The following PTPRD variants were observed in gnomAD, a reference collection of about 807,000 sequenced individuals.
PTPRD encodes the protein protein tyrosine phosphatase receptor type D.
Under a neutral mutation model 214.5 loss-of-function variants are expected in PTPRD, and 34 were observed. The ratio of observed to expected loss-of-function variants is 0.16; its 90% CI spans 0.12 to 0.21. PTPRD has a LOEUF of 0.21. Ranked by LOEUF, PTPRD falls within the 10% of genes least tolerant of loss-of-function variation. The pLI is 1.00. For synonymous variants in PTPRD, 1,128 were observed against 845.7 expected, an observed-to-expected ratio of 1.33 and a Z score of -5.79; for missense variants, 2,545 against 2,398.7, an observed-to-expected ratio of 1.06 and a Z score of -1.27.
chr9:10,271,687 C>T lies in PTPRD; in HGVS notation c.-545+69276G>A, dbSNP rs533344584. ...CCTCCTGAGTAGCTGGCATTATCGGCGTCTGCCACCACACCCGGCTAATTT... is the reference window on the plus strand; with the variant it reads ...CCTCCTGAGTAGCTGGCATTATCGGTGTCTGCCACCACACCCGGCTAATTT... On this transcript the variant is annotated intron_variant, in intron 3 of 45. Coordinates refer to ENST00000381196, the MANE Select transcript of PTPRD (RefSeq NM_002839.4). Among the ~76,000 whole-genome samples the T allele has an allele frequency of 8.6e-5, 13 of 151,828 alleles. No individual in the cohort carries two copies. In the South Asian group the frequency reaches 2.1e-3, roughly 24 times the overall value.
chr9:9,960,984 T>A (rs1211615361), intron 4 of PTPRD, among the ~76,000 whole-genome samples: 1 of 151,764 alleles, frequency 6.6e-6, no homozygotes, highest in African/African-American at 2.4e-5. Flanking sequence ...AACAACCCCA[T>A]CAACAAGTGG....
At chr9:10,148,674 G>A (rs138788513) in intron 3 of PTPRD, among the ~76,000 whole-genome samples, 1 of 152,114 alleles carries the variant, frequency 6.6e-6, no homozygotes, top group African/African-American at 2.4e-5. Context: ...CATTGGACAA[G>A]TCAATCTCAA....
chr9:8,453,325 G>A lies in PTPRD; in HGVS notation c.3876-3488C>T, dbSNP rs542653368. On this transcript the variant is annotated intron_variant, in intron 33 of 45. Coordinates refer to ENST00000381196, the MANE Select transcript of PTPRD (RefSeq NM_002839.4). ...ATTACAGGCGCCCGCCACCATGCCTGGCTAATTTTTTGTATTTTTTAGTAG... is the reference window on the plus strand; with the variant it reads ...ATTACAGGCGCCCGCCACCATGCCTAGCTAATTTTTTGTATTTTTTAGTAG... 2.0e-5 allele frequency among the ~76,000 whole-genome samples: 3 copies of A among 152,062 alleles called. No individual in the cohort carries two copies. In the South Asian group the frequency reaches 6.2e-4, roughly 32 times the overall value.
intron 2 of PTPRD, among the ~76,000 whole-genome samples, chr9:10,363,880 G>A (rs1033394919): frequency 1.3e-5 from 2 of 150,908 alleles, no homozygotes; most frequent in African/African-American, 2.4e-5. Flanking sequence ...ATACTGTTAC[G>A]ATATTTAATT....
At chr9:8,483,042 C>G (rs1167185061) in intron 30 of PTPRD, among the ~76,000 whole-genome samples, 1 of 152,168 alleles carries the variant, frequency 6.6e-6, no homozygotes, top group African/African-American at 2.4e-5. Flanking sequence ...GTCAGGAATC[C>G]ATCTTTTTTT....
intron 4 of PTPRD, among the ~76,000 whole-genome samples, chr9:9,940,191 G>C (rs2153965954): frequency 6.6e-6 from 1 of 152,222 alleles, no homozygotes; most frequent in African/African-American, 2.4e-5. Context: ...ATATATAGTG[G>C]GCCTCTTGGA....
chr9:8,436,828 GCAA>G, intron 34 of PTPRD, 139 bp from the exon 35 acceptor site: 1 of 677,788 alleles, frequency 1.5e-6, no homozygotes, highest in Non-Finnish European at 2.5e-6. Flanking sequence ...GAGGAAGCAG[GCAA>G]ATAGTTTGGT....
At chr9:9,089,531 C>G (rs544427027) in intron 10 of PTPRD, among the ~76,000 whole-genome samples, 2 of 152,308 alleles carry the variant, frequency 1.3e-5, no homozygotes, top group East Asian at 1.9e-4. Flanking sequence ...TTCTTTATGA[C>G]TCTACTAACT....
chr9:9,489,292 G>A (rs1472308794), intron 8 of PTPRD, among the ~76,000 whole-genome samples: 9 of 152,096 alleles, frequency 5.9e-5, no homozygotes, highest in Admixed American at 5.2e-4. Flanking sequence ...AATAGCAGAC[G>A]CTGTGGAAAA....
At chr9:8,375,410 A>G (rs1302163409) in intron 39 of PTPRD, among the ~76,000 whole-genome samples, 1 of 152,052 alleles carries the variant, frequency 6.6e-6, no homozygotes, top group Non-Finnish European at 1.5e-5. Flanking sequence ...TATTCTATTA[A>G]ATACATTTTT....
intron 11 of PTPRD, among the ~76,000 whole-genome samples, chr9:8,910,299 A>G (rs1318096259): frequency 1.3e-5 from 2 of 152,040 alleles, no homozygotes; most frequent in African/African-American, 4.8e-5. Flanking sequence ...AGCCTCCCAA[A>G]GTGCTGGGAT....
chr9:9,576,462 T>A (rs2088844222), intron 7 of PTPRD, among the ~76,000 whole-genome samples: 1 of 151,522 alleles, frequency 6.6e-6, no homozygotes, highest in Admixed American at 6.6e-5. Context: ...AGGATAGAGA[T>A]GATTTCAGGA....
chr9:9,455,916 T>C (rs1381648079), intron 8 of PTPRD, among the ~76,000 whole-genome samples: 3 of 151,794 alleles, frequency 2.0e-5, no homozygotes, highest in African/African-American at 7.2e-5. Context: ...CTGAAGGTTG[T>C]TCAATAACTG....
rs534111694 is a variant in PTPRD at position 9,693,134 on chromosome 9, T to C, written c.-287+41399A>G. Among the ~76,000 whole-genome samples the C allele has an allele frequency of 2.6e-5, 4 of 152,200 alleles. No individual in the cohort carries two copies. The South Asian group carries it at 8.3e-4, about 32-fold the overall frequency. On this transcript the variant is annotated intron_variant, in intron 7 of 45. Coordinates refer to ENST00000381196, the MANE Select transcript of PTPRD (RefSeq NM_002839.4). Reference sequence around the variant, plus strand: ...ATTTCTTTCTCTTGTCTGTTTGGTCTAGCTAAGACTTCAGTAATATGTTGA... The same window carrying C: ...ATTTCTTTCTCTTGTCTGTTTGGTCCAGCTAAGACTTCAGTAATATGTTGA...
At chr9:8,531,444 T>C (rs1192640730) in intron 14 of PTPRD, among the ~76,000 whole-genome samples, 1 of 152,114 alleles carries the variant, frequency 6.6e-6, no homozygotes, top group South Asian at 2.1e-4. Context: ...AATATCTCAC[T>C]TGGCAGCTAT....
At chr9:9,174,697 A>G (rs377519558) in intron 10 of PTPRD, among the ~76,000 whole-genome samples, 2 of 152,208 alleles carry the variant, frequency 1.3e-5, no homozygotes, top group South Asian at 2.1e-4. Context: ...GATTTCTAAT[A>G]TTTCAAAAAG....
chr9:8,834,588 G>A (rs1295933204), intron 11 of PTPRD, among the ~76,000 whole-genome samples: 12 of 152,152 alleles, frequency 7.9e-5, no homozygotes, highest in African/African-American at 2.6e-4. Flanking sequence ...CATGTGTCAG[G>A]CATACTAGTC....
At chr9:9,593,201 T>C (rs965181694) in intron 7 of PTPRD, among the ~76,000 whole-genome samples, 3 of 151,724 alleles carry the variant, frequency 2.0e-5, no homozygotes, top group Non-Finnish European at 4.4e-5. Flanking sequence ...GTTTTGTTTT[T>C]TTTTTGTTTT....
chr9:10,142,414 A>T (rs970553722), intron 3 of PTPRD, among the ~76,000 whole-genome samples: 1 of 152,024 alleles, frequency 6.6e-6, no homozygotes, highest in Non-Finnish European at 1.5e-5. Context: ...CAATGAACTC[A>T]AACAAATTTA....
Sources: allele counts gnomAD v4.1 joint callset (sites outside exome capture counted in the v4.1 genomes callset), GRCh38; gene constraint gnomAD v4.1.1; transcripts MANE v1.5; gene names NCBI Gene and HGNC (gene_info 2026-07-23, HGNC 2026-07-21).